PCNT: variants seen among roughly 807,000 people sequenced by gnomAD.
PCNT encodes kendrin.
A neutral mutation model predicts 380.4 loss-of-function variants in PCNT; 319 were observed. The observed-to-expected ratio is 0.84, with a 90% CI of 0.77 to 0.92. The LOEUF is 0.92. Ranked by LOEUF, PCNT falls within the 40% of genes least tolerant of loss-of-function variation. The pLI is 0.00. For missense variants in PCNT, 4,400 were observed against 4,255.3 expected (o/e 1.03, Z -0.95); for synonymous variants, 1,845 against 1,735.2 (o/e 1.06, Z -1.57).
At position 46,370,758 on chromosome 21, in the gene PCNT, G is replaced by A. The variant is rs190200608; in HGVS notation, c.3165+3619G>A. The stretch of plus-strand genomic sequence containing the variant: ...CCACTTCTAAAAATAAAAATCGGCC[G>A]GGCGCGGTGGCTCACGCCTGTAATC... On this transcript the variant is annotated intron_variant, in intron 15 of 46. Coordinates refer to ENST00000359568, the MANE Select transcript of PCNT (RefSeq NM_006031.6). Among the ~76,000 whole-genome samples, 408 of 152,224 alleles carry A rather than the reference G, an allele frequency of 2.7e-3. 1 individual carries two copies. Among genetic ancestry groups the A allele is most frequent in the African/African-American group, 9.4e-3 (392 of 41,532 alleles).
At chr21:46,386,325 G>T (rs952389641) in intron 17 of PCNT, among the ~76,000 whole-genome samples, 2 of 152,196 alleles carry the variant, frequency 1.3e-5, no homozygotes, top group African/African-American at 2.4e-5. Context: ...GCGTGTCCTC[G>T]TCCCCGGCAC....
rs1409674144 is a variant in PCNT at position 46,391,350 on chromosome 21, C to T, written c.4190C>T (p.Ala1397Val). The T allele has an allele frequency of 9.0e-6, 14 of 1,552,330 alleles. No homozygotes were observed. Among genetic ancestry groups the T allele is most frequent in the Non-Finnish European group, 1.2e-5 (14 of 1,147,846 alleles). ...TRLWSRGEAT[A>V]TDAEAREAAL... ...CTGTGGAGTCGGGGGGAGGCCACAG[C>T]CACGGACGCCGAGGCCAGAGAAGCT... The change falls in exon 21 of 47, where the codon GCC becomes GTC. Residue 1397 changes from alanine (A) to valine (V), a missense_variant. Transcript: ENST00000359568.
chr21:46,400,811 C>T (rs1195643287), intron 25 of PCNT, among the ~76,000 whole-genome samples: 4 of 152,192 alleles, frequency 2.6e-5, no homozygotes, highest in African/African-American at 9.6e-5. Context: ...TGAACCACCA[C>T]GCCCGGCCAA....
At chr21:46,438,463 C>G in intron 41 of PCNT, 126 bp downstream of exon 41, 1 of 801,884 alleles carries the variant, frequency 1.2e-6, no homozygotes, top group East Asian at 2.6e-5. Flanking sequence ...TTCTCCCTAA[C>G]CGCCAGGCTC....
At chr21:46,414,331 C>T (rs1255394276) in intron 29 of PCNT, among the ~76,000 whole-genome samples, 5 of 151,900 alleles carry the variant, frequency 3.3e-5, no homozygotes, top group Admixed American at 2.0e-4. Flanking sequence ...CACCTCGCCT[C>T]CTCCAGTCCA....
At chr21:46,333,671 C>T (rs553378713) in intron 2 of PCNT, among the ~76,000 whole-genome samples, 230 of 151,330 alleles carry the variant, frequency 1.5e-3, no homozygotes, top group Non-Finnish European at 3.0e-3. Flanking sequence ...GAGGCCGAGG[C>T]GGGTGGATCA....
At chr21:46,429,850 T>A (rs2087675810) in intron 35 of PCNT, among the ~76,000 whole-genome samples, 160 bp from the exon 36 acceptor site, 1 of 152,074 alleles carries the variant, frequency 6.6e-6, no homozygotes, top group Non-Finnish European at 1.5e-5. Flanking sequence ...GAATTGAGCA[T>A]CCTGGTTCCA....
intron 37 of PCNT, 25 bp from the exon 38 acceptor site, chr21:46,431,504 C>G (rs1183217502): frequency 6.2e-7 from 1 of 1,613,866 alleles, no homozygotes; most frequent in Non-Finnish European, 8.5e-7. Context: ...TTCAGTGTCT[C>G]CCATCGTATG....
Position 46,347,452 on chromosome 21 carries a change from T to TG in PCNT, c.977-4dup. ...GGCCTGAGCTGCTTTTTGTTTTTCT[T>TG]GCAGCTGAGCTGAAGGAGAAGTTAC... On this transcript the variant is annotated splice_region_variant and splice_polypyrimidine_tract_variant and intron_variant, in intron 5 of 46. Coordinates refer to ENST00000359568, the MANE Select transcript of PCNT (RefSeq NM_006031.6). 6.2e-7 allele frequency: 1 copy of TG among 1,614,030 alleles called. No individual in the cohort carries two copies. The highest frequency in any genetic ancestry group is 8.5e-7 in the Non-Finnish European group (1 of 1,179,970).
At position 46,349,698 on chromosome 21, in the gene PCNT, C is replaced by G; in HGVS notation, c.1222C>G (p.Leu408Val). Residue 408 changes from leucine (L) to valine (V), a missense_variant, in exon 8 of 47, where the codon CTG becomes GTG. Leu to Val is a conservative substitution (Grantham distance 32, BLOSUM62 1). Transcript: ENST00000359568. Reference sequence around the variant, plus strand: ...TACCTTTCTAGGGGCCCTTAGGAACCTGGAGAGTCATCATCAAGCAGCCAT... The same window carrying G: ...TACCTTTCTAGGGGCCCTTAGGAACGTGGAGAGTCATCATCAAGCAGCCAT... ...KNQAERALRN[L>V]ESHHQAAIEK... The G allele has an allele frequency of 6.2e-7, 1 of 1,614,038 alleles. No individual in the cohort carries two copies. The highest frequency in any genetic ancestry group is 8.5e-7 in the Non-Finnish European group (1 of 1,179,930).
At chr21:46,386,636 A>G (rs2085848211) in intron 17 of PCNT, among the ~76,000 whole-genome samples, 1 of 152,202 alleles carries the variant, frequency 6.6e-6, no homozygotes. Flanking sequence ...CCTCACCTGC[A>G]GTGATGCTGT....
Position 46,416,800 on chromosome 21 carries a change from T to C in PCNT, c.6882T>C (p.Ser2294=), listed in dbSNP as rs754922467. The part of the protein sequence containing the change: ...AAALALQWAE[S]PPADDHHVQR... The stretch of plus-strand genomic sequence containing the variant: ...CGCTGGCACTGCAGTGGGCCGAGTC[T>C]CCGCCGGCTGACGACCACCATGTGC... Residue 2294 remains serine (S), a synonymous_variant, in exon 30 of 47, where the codon TCT becomes TCC. Transcript: ENST00000359568. The C allele has an allele frequency of 5.1e-5, 82 of 1,599,886 alleles. No homozygotes were observed. The highest frequency in any genetic ancestry group is 1.7e-4 in the Middle Eastern group (1 of 5,786).
In PCNT at chr21:46,385,982, A is replaced by G. The variant is rs775021770; in HGVS notation, c.3463A>G (p.Arg1155Gly). The change falls in exon 17 of 47, where the codon AGA becomes GGA. Residue 1155 changes from arginine to glycine, a missense_variant and splice_region_variant. Physicochemically the swap from Arg to Gly is moderately radical, Grantham distance 125. Transcript: ENST00000359568. ...KADVNLSHSERGALQDALRRL... is the reference protein window; with the variant it reads ...KADVNLSHSEGGALQDALRRL... The stretch of plus-strand genomic sequence containing the variant: ...CGACGTCAACCTGTCCCACAGCGAA[A>G]GGTCAGTGTGTCCTCGGCACCGAGG... 1.9e-6 allele frequency: 3 copies of G among 1,614,048 alleles called. No homozygotes were observed. The South Asian group carries it at 3.3e-5, about 18-fold the overall frequency.
At chr21:46,404,304 T>A (rs1463202903) in intron 27 of PCNT, among the ~76,000 whole-genome samples, 2 of 152,274 alleles carry the variant, frequency 1.3e-5, no homozygotes, top group African/African-American at 2.4e-5. Context: ...GTAGGCTTAT[T>A]TAATTAGGAC....
At position 46,425,912 on chromosome 21, in the gene PCNT, C is replaced by T. The variant is rs753328325; in HGVS notation, c.7261C>T (p.His2421Tyr). ...EGLAPPSGEPHPPRKEDEIQD... is the reference protein window; with the variant it reads ...EGLAPPSGEPYPPRKEDEIQD... Reference sequence around the variant, plus strand: ...CCTTGCACCCCCAAGCGGCGAGCCACACCCACCCCGGAAGGAAGACGAGAT... The same window carrying T: ...CCTTGCACCCCCAAGCGGCGAGCCATACCCACCCCGGAAGGAAGACGAGAT... Residue 2421 changes from histidine to tyrosine, a missense_variant, in exon 33 of 47, where the codon CAC becomes TAC. Physicochemically the swap from His to Tyr is moderately conservative, Grantham distance 83. Transcript: ENST00000359568. This position sits in a 1 kb window ranked among gnomAD's most constrained non-coding sequence, Gnocchi z 4.2. 6.2e-7 allele frequency: 1 copy of T among 1,614,080 alleles called. No homozygotes were observed. The highest frequency in any genetic ancestry group is 8.5e-7 in the Non-Finnish European group (1 of 1,180,036).
intron 3 of PCNT, among the ~76,000 whole-genome samples, chr21:46,345,116 G>A (rs1017920877): frequency 4.6e-5 from 7 of 152,174 alleles, no homozygotes; most frequent in East Asian, 1.9e-4. Context: ...CTCTGTAGGC[G>A]TCATTTCCGC....
intron 27 of PCNT, among the ~76,000 whole-genome samples, chr21:46,408,258 A>G (rs772214377): frequency 6.6e-6 from 1 of 152,154 alleles, no homozygotes; most frequent in Admixed American, 6.5e-5. Flanking sequence ...GTTGCTGAGT[A>G]CTGTTGTCTG....
chr21:46,330,125 C>T (rs1179893311), intron 2 of PCNT, among the ~76,000 whole-genome samples: 6 of 152,074 alleles, frequency 3.9e-5, no homozygotes, highest in African/African-American at 1.2e-4. Flanking sequence ...AGCTTTTTCC[C>T]CCTTTTTTTT....
At chr21:46,414,749 ACACGC>A in intron 29 of PCNT, among the ~76,000 whole-genome samples, 1 of 45,536 alleles carries the variant, frequency 2.2e-5, no homozygotes, top group Non-Finnish European at 3.7e-5. Flanking sequence ...CTCCTCCTGG[ACACGC>A]AGCCGCCCAC....
Sources: allele counts gnomAD v4.1 joint callset (sites outside exome capture counted in the v4.1 genomes callset), GRCh38; gene constraint gnomAD v4.1.1; non-coding constraint Gnocchi (gnomAD v3.1); transcripts MANE v1.5; gene names NCBI Gene and HGNC (gene_info 2026-07-23, HGNC 2026-07-21).